Variants in IGSF22 observed in about 807,000 individuals in gnomAD.
The protein encoded by IGSF22 is immunoglobulin superfamily member 22, also known as immunoglobulin superfamily, member 22.
A neutral mutation model predicts 127.0 loss-of-function variants in IGSF22; 119 were observed. That is an observed-to-expected ratio of 0.94 (90% CI 0.81 to 1.09). IGSF22 has a LOEUF of 1.09. IGSF22 is among the 50% of genes least tolerant of loss of function. The pLI, the probability that IGSF22 is intolerant of heterozygous loss-of-function variation, is 0.00. For synonymous variants in IGSF22, 568 were observed against 664.7 expected (o/e 0.85, Z 2.24); for missense variants, 1,518 against 1,716.6 (o/e 0.88, Z 2.04).
In IGSF22 at chr11:18,718,721, C is replaced by T. The variant is rs74743312; in HGVS notation, c.704G>A (p.Arg235Gln). Residue 235 changes from arginine (R) to glutamine (Q), a missense_variant, in exon 8 of 23, where the codon CGG becomes CAG. By Grantham distance (43) the Arg-to-Gln change is conservative. Coordinates refer to ENST00000513874, the MANE Select transcript of IGSF22 (RefSeq NM_173588.4). ...TTTGTCTTCCAGGGGCTTCAGAATC[C>T]GGATGGCCTGAGAGATTATGATAAT... Reference protein sequence around the residue: ...MKKKVEVEAIRILKPLEDKET... With the variant: ...MKKKVEVEAIQILKPLEDKET... 11,223 of 1,602,958 alleles carry T rather than the reference C, an allele frequency of 7.0e-3. 67 individuals are homozygous for T. The highest frequency in any genetic ancestry group is 7.9e-3 in the Non-Finnish European group (9,238 of 1,170,298).
chr11:18,706,488 C>T (rs1277944712), intron 21 of IGSF22: 4 of 410,038 alleles, frequency 9.8e-6, no homozygotes, highest in Non-Finnish European at 1.8e-5. Context: ...GTCATATCAG[C>T]GACCACAGTC....
chr11:18,722,179 T>A, intron 2 of IGSF22, 138 bp from the exon 3 acceptor site: 1 of 991,682 alleles, frequency 1.0e-6, no homozygotes, highest in South Asian at 1.5e-5. Flanking sequence ...ACCAGCTACA[T>A]GGGGAGAAAG....
rs1275865265 is a variant in IGSF22, at chr11:18,716,834, A to G, written c.1140T>C (p.Asp380=). ...DDKYEITVSE[D]GLTHTLKIKD... ...TAATCTTAAGCGTGTGCGTCAGACC[A>G]TCTTCGGACACCGTGATTTCATACT... is the stretch of plus-strand genomic sequence containing the variant. Residue 380 remains aspartate (D), a synonymous_variant, in exon 10 of 23, where the codon GAT becomes GAC. Coordinates refer to ENST00000513874, the MANE Select transcript of IGSF22 (RefSeq NM_173588.4). This position sits in a 1 kb window ranked among gnomAD's most constrained non-coding sequence, Gnocchi z 4.5. 11 of 1,614,202 alleles carry G rather than the reference A, an allele frequency of 6.8e-6. No individual in the cohort carries two copies. Among genetic ancestry groups the G allele is most frequent in the Non-Finnish European group, 9.3e-6 (11 of 1,180,038 alleles).
At chr11:18,717,879 C>T in intron 9 of IGSF22, 52 bp downstream of exon 9, 1 of 1,586,762 alleles carries the variant, frequency 6.3e-7, no homozygotes, top group South Asian at 1.1e-5. Flanking sequence ...GGCCATTCCT[C>T]TCTTCCAACC....
At chr11:18,707,308 G>A (rs1848259910) in intron 20 of IGSF22, 95 bp from the exon 21 acceptor site, 2 of 1,151,886 alleles carry the variant, frequency 1.7e-6, no homozygotes, top group East Asian at 5.3e-5. Flanking sequence ...AAGATAAGAT[G>A]GGGCAAGTCT....
intron 14 of IGSF22, among the ~76,000 whole-genome samples, chr11:18,712,976 C>T (rs1035515618): frequency 7.2e-5 from 11 of 152,142 alleles, no homozygotes; most frequent in Admixed American, 5.9e-4. Flanking sequence ...CTTATATCCT[C>T]ATGTTCAGAC....
Position 18,707,109 on chromosome 11 carries a change from G to A in IGSF22, c.3385C>T (p.His1129Tyr), listed in dbSNP as rs1212519758. ...GCATCCCGCTTCATGATGATGTAGTGAGCCTCACCGTCCTCCTGCACATCT... is the reference window on the plus strand; with the variant it reads ...GCATCCCGCTTCATGATGATGTAGTAAGCCTCACCGTCCTCCTGCACATCT... ...SPDVQEDGEA[H>Y]YIIMKRDAST... The change falls in exon 21 of 23, where the codon CAC becomes TAC. Residue 1129 changes from histidine (H) to tyrosine (Y), a missense_variant. Around this residue, in one of 3 missense-constraint regions of IGSF22, gnomAD observed 1,456 missense variants for 1,644.9 expected, o/e 0.89. Coordinates refer to ENST00000513874, the MANE Select transcript of IGSF22 (RefSeq NM_173588.4). 6.4e-7 allele frequency: 1 copy of A among 1,551,640 alleles called. No homozygotes were observed. Among genetic ancestry groups the A allele is most frequent in the Middle Eastern group, 1.7e-4 (1 of 5,992 alleles).
intron 1 of IGSF22, among the ~76,000 whole-genome samples, chr11:18,724,715 C>A (rs770380678): frequency 6.6e-6 from 1 of 152,122 alleles, no homozygotes; most frequent in Admixed American, 6.5e-5. Flanking sequence ...CCCTGGGGAC[C>A]CCGGCACTGG....
chr11:18,715,224 A>T lies in IGSF22; in HGVS notation c.1531+208T>A, dbSNP rs73426500. On this transcript the variant is annotated intron_variant, in intron 11 of 22. Transcript: ENST00000513874. ...AGAGTCTGGAAGATGGGGGGTGATC[A>T]GTGTCTAGGAGGTATAAATGTTTAG... 7.0e-3 allele frequency among the ~76,000 whole-genome samples: 1,071 copies of T among 151,958 alleles called. 11 individuals carry two copies. The highest frequency in any genetic ancestry group is 0.024 in the African/African-American group (1,012 of 41,378).
At position 18,712,179 on chromosome 11, in the gene IGSF22, T is replaced by C; in HGVS notation, c.2301A>G (p.Glu767=). ...KVTNFSTNKV[E]EGKAYQFRIL... ...TACGGAACTGGTAGGCTTTTCCCTCTTCCACCTTGTTGGTGGAGAAGTTGG... is the reference window on the plus strand; with the variant it reads ...TACGGAACTGGTAGGCTTTTCCCTCCTCCACCTTGTTGGTGGAGAAGTTGG... The change falls in exon 15 of 23, where the codon GAA becomes GAG. Residue 767 remains glutamate, a synonymous_variant. Coordinates refer to ENST00000513874, the MANE Select transcript of IGSF22 (RefSeq NM_173588.4). 6.4e-7 allele frequency: 1 copy of C among 1,551,738 alleles called. No individual in the cohort carries two copies. The highest frequency in any genetic ancestry group is 8.7e-7 in the Non-Finnish European group (1 of 1,146,986).
In IGSF22 at chr11:18,720,113, G is replaced by A; in HGVS notation, c.479-10C>T. 1 of 1,614,180 alleles carries A rather than the reference G, an allele frequency of 6.2e-7. No homozygotes were observed. The highest frequency in any genetic ancestry group is 8.5e-7 in the Non-Finnish European group (1 of 1,180,000). ...TCCATTTTCTCTTGACCTGAGGATA[G>A]ACAGAGGGACAGGTTCAGACAGGGG... On this transcript the variant is annotated splice_polypyrimidine_tract_variant and intron_variant, in intron 5 of 22. Coordinates refer to ENST00000513874, the MANE Select transcript of IGSF22 (RefSeq NM_173588.4).
chr11:18,720,251 T>C lies in IGSF22; in HGVS notation c.413A>G (p.Tyr138Cys), dbSNP rs969436150. The change falls in exon 5 of 23, where the codon TAT (tyrosine) becomes TGT (cysteine). Residue 138 changes from tyrosine (Y) to cysteine (C), a missense_variant. Around this residue, in one of 3 missense-constraint regions of IGSF22, gnomAD observed 1,456 missense variants for 1,644.9 expected, o/e 0.89. Coordinates refer to ENST00000513874, the MANE Select transcript of IGSF22 (RefSeq NM_173588.4). ...ATGGTCATTGCTTGCAATGCACTTA[T>C]AGTTGTCAGAGTCATCCGAAGTCAG... ...EPLTSDDSDN[Y>C]KCIASNDHAD... The C allele has an allele frequency of 1.9e-6, 3 of 1,614,152 alleles. No homozygotes were observed. Among genetic ancestry groups the C allele is most frequent in the Middle Eastern group, 1.7e-4 (1 of 6,060 alleles).
At position 18,722,041 on chromosome 11, in the gene IGSF22, T is replaced by C. The variant is rs756518065; in HGVS notation, c.110A>G (p.Glu37Gly). ...CGAGGACTTCCTCCTCACGACCTCC[T>C]CTGTGGGGGCAGGCGAGAGGTCAGA... ...TFSQTTKIVG[E>G]EVVRRKSSSI... Residue 37 changes from glutamate to glycine, a missense_variant and splice_region_variant, in exon 3 of 23, where the codon GAG (glutamate) becomes GGG (glycine). Physicochemically the swap from Glu to Gly is moderately conservative, Grantham distance 98. Coordinates refer to ENST00000513874, the MANE Select transcript of IGSF22 (RefSeq NM_173588.4). The C allele has an allele frequency of 6.2e-7, 1 of 1,613,824 alleles. No homozygotes were observed. The highest frequency in any genetic ancestry group is 8.5e-7 in the Non-Finnish European group (1 of 1,180,018).
At chr11:18,707,782 G>A (rs1350093581) in intron 20 of IGSF22, 22 bp downstream of exon 20, 1 of 1,550,838 alleles carries the variant, frequency 6.4e-7, no homozygotes, top group Non-Finnish European at 8.7e-7. Flanking sequence ...GGGTCTTGGA[G>A]GCCTCTGCCT....
At chr11:18,705,376 C>A in intron 22 of IGSF22, 1 of 174,508 alleles carries the variant, frequency 5.7e-6, no homozygotes, top group South Asian at 1.5e-4. Context: ...GTTCCCTTCG[C>A]TCCTTCCCTT....
intron 22 of IGSF22, 28 bp from the exon 23 acceptor site, chr11:18,704,566 T>C (rs1848185516): frequency 7.1e-7 from 1 of 1,410,184 alleles, no homozygotes; most frequent in East Asian, 2.5e-5. Context: ...GTATTCGTTA[T>C]ATTAATGATG....
chr11:18,718,533 G>T, intron 8 of IGSF22, 82 bp downstream of exon 8: 2 of 848,138 alleles, frequency 2.4e-6, no homozygotes, highest in Non-Finnish European at 4.2e-6. Flanking sequence ...ATGGAAGAGA[G>T]GCTATGGCTT....
intron 19 of IGSF22, 46 bp downstream of exon 19, chr11:18,708,161 T>C (rs1848282245): frequency 3.9e-6 from 6 of 1,529,092 alleles, no homozygotes; most frequent in Non-Finnish European, 5.3e-6. Flanking sequence ...ATAGCCATCT[T>C]GGTTATGTGG....
chr11:18,717,637 G>A (rs1036966971), intron 9 of IGSF22, among the ~76,000 whole-genome samples: 9 of 151,986 alleles, frequency 5.9e-5, no homozygotes, highest in African/African-American at 1.9e-4. Context: ...GTGTCAAACG[G>A]TTCTCCTGCC....
Sources: allele counts gnomAD v4.1 joint callset (sites outside exome capture counted in the v4.1 genomes callset), GRCh38; gene constraint gnomAD v4.1.1; regional missense constraint gnomAD v4.1.1; non-coding constraint Gnocchi (gnomAD v3.1); transcripts MANE v1.5; gene names NCBI Gene and HGNC (gene_info 2026-07-23, HGNC 2026-07-21).